Variants in LRRC24 observed in about 807,000 individuals in gnomAD.
LRRC24 encodes leucine-rich repeat-containing protein 24.
A neutral mutation model predicts 15.3 loss-of-function variants in LRRC24; 19 were observed. The observed-to-expected ratio is 1.25, with a 90% CI of 0.87 to 1.83. The LOEUF (loss-of-function observed/expected upper bound fraction) is 1.83. LRRC24 is among the 40% of genes most tolerant of loss of function. LRRC24 has a pLI of 0.00. For missense variants in LRRC24, 914 were observed against 723.9 expected, an observed-to-expected ratio of 1.26 and a Z score of -3.01; for synonymous variants, 469 against 359.6, an observed-to-expected ratio of 1.30 and a Z score of -3.44.
chr8:144,523,576 C>T, intron 4 of LRRC24, 167 bp from the exon 5 acceptor site: 1 of 1,128,610 alleles, frequency 8.9e-7, no homozygotes, highest in Non-Finnish European at 1.2e-6. Context: ...CTCCTTGGGG[C>T]GGCAGGCCCT....
chr8:144,526,776 C>G (rs1468401856), intron 1 of LRRC24, 184 bp downstream of exon 1: 6 of 152,316 alleles, frequency 3.9e-5, no homozygotes, highest in Non-Finnish European at 7.3e-5. Context: ...CCCCCACGGC[C>G]TCCTCTGCTA....
At chr8:144,523,503 C>G in intron 4 of LRRC24, 94 bp from the exon 5 acceptor site, 1 of 1,434,650 alleles carries the variant, frequency 7.0e-7, no homozygotes, top group Non-Finnish European at 9.1e-7. Flanking sequence ...AGGCCTCTTT[C>G]CCACCTCCCA....
At chr8:144,526,034 G>C (rs1392292796) in intron 1 of LRRC24, 1 of 152,168 alleles carries the variant, frequency 6.6e-6, no homozygotes, top group Non-Finnish European at 1.5e-5. Context: ...CCGAAGCCAG[G>C]GAAAACAGGG....
At chr8:144,523,748 A>C in intron 4 of LRRC24, 1 of 408,928 alleles carries the variant, frequency 2.4e-6, no homozygotes, top group Non-Finnish European at 4.3e-6. Flanking sequence ...CAGCACTGAA[A>C]CCTCACAAGT....
In LRRC24 at chr8:144,523,057, G is replaced by A. The variant is rs1165241956; in HGVS notation, c.960C>T (p.His320=). The A allele has an allele frequency of 3.1e-6, 5 of 1,604,288 alleles. No homozygotes were observed. The African/African-American group carries it at 6.7e-5, about 22-fold the overall frequency. The change falls in exon 5 of 5, where the codon CAC becomes CAT. Residue 320 remains histidine (H), a synonymous_variant. Transcript: ENST00000529415. ...TGCCGCTGCCCGTGTCGGATGCCGA[G>A]TGTCCGCCCAGGCCCAGCAACCCGC... ...LEGGLLGLGG[H]SASDTGSGML...
rs781048518 is a variant in LRRC24, at chr8:144,522,696, C to T, written c.1321G>A (p.Glu441Lys). ...TAGTCGTTGACGAACAGCGCTCCCT[C>T]CCCCGGAGGCCCCCGCGCCTTTTTT... ...RRKKARGPPG[E>K]GALFVNDYLD... The change falls in exon 5 of 5, where the codon GAG becomes AAG. Residue 441 changes from glutamate to lysine, a missense_variant. Physicochemically the swap from Glu to Lys is moderately conservative, Grantham distance 56 (BLOSUM62 1). Coordinates refer to ENST00000529415, the MANE Select transcript of LRRC24 (RefSeq NM_001024678.4). 2.6e-5 allele frequency: 41 copies of T among 1,595,004 alleles called. No homozygotes were observed. In the Admixed American group the frequency reaches 4.8e-4, roughly 19 times the overall value.
chr8:144,523,604 C>G lies in LRRC24; in HGVS notation c.608-195G>C, dbSNP rs1816222740. 1.1e-5 allele frequency: 9 copies of G among 785,264 alleles called. No individual in the cohort carries two copies. The South Asian group carries it at 2.8e-4, about 24-fold the overall frequency. 48.6% of individuals were successfully genotyped at this position (785,264 alleles called of 1,614,324 possible). ...CAGGCCCTTCACCCTCGCCCCCCTCCCCTTTAGCTCTGTGATGCCTGCCTG... is the reference window on the plus strand; with the variant it reads ...CAGGCCCTTCACCCTCGCCCCCCTCGCCTTTAGCTCTGTGATGCCTGCCTG... On this transcript the variant is annotated intron_variant, in intron 4 of 4. Transcript: ENST00000529415.
chr8:144,522,661 GCCGT>G lies in LRRC24; in HGVS notation c.1352_1355del (p.Asp451AlafsTer8). 1 of 1,592,764 alleles carries G rather than the reference GCCGT, an allele frequency of 6.3e-7. No individual in the cohort carries two copies. The highest frequency in any genetic ancestry group is 8.5e-7 in the Non-Finnish European group (1 of 1,171,160). The stretch of plus-strand genomic sequence containing the variant: ...CCTCTAGCTGTGCGAACGTACAGGG[GCCGT>G]CCAAGTAGTCGTTGACGAACAGCGC... On this transcript the variant is annotated frameshift_variant, in exon 5 of 5. Transcript: ENST00000529415. LOFTEE classifies it low-confidence loss of function (END_TRUNC).
intron 1 of LRRC24, chr8:144,525,605 C>T (rs1384815904): frequency 6.6e-6 from 1 of 152,254 alleles, no homozygotes; most frequent in East Asian, 1.9e-4. Flanking sequence ...CTTTGTCCAG[C>T]ACCTGCTCCT....
rs1421338939 is a variant in LRRC24, at chr8:144,523,351, G to T, written c.666C>A (p.Gly222=). ...LHWLGAWIKE[G]GQRLLTSRDR... is the part of the protein sequence containing the mutation. ...CCCTGGAGGTGAGCAGCCGCTGGCC[G>T]CCCTCCTTGATCCAGGCACCCAGCC... The change falls in exon 5 of 5, where the codon GGC becomes GGA. Residue 222 remains glycine, a synonymous_variant. Coordinates refer to ENST00000529415, the MANE Select transcript of LRRC24 (RefSeq NM_001024678.4). 1.3e-6 allele frequency: 2 copies of T among 1,582,708 alleles called. No homozygotes were observed. The highest frequency in any genetic ancestry group is 1.7e-6 in the Non-Finnish European group (2 of 1,161,158).
rs755474129 is a variant in LRRC24 at position 144,524,472 on chromosome 8, C to T, written c.407G>A (p.Arg136Gln). Reference sequence around the variant, plus strand: ...GTGCAAGAAGGTGAAATCCAGCAGCCGCGCCAGCTGGTTGCCCGCCAGGTA... The same window carrying T: ...GTGCAAGAAGGTGAAATCCAGCAGCTGCGCCAGCTGGTTGCCCGCCAGGTA... ...VLYLAGNQLA[R>Q]LLDFTFLHLP... is the part of the protein sequence containing the mutation. Residue 136 changes from arginine (R) to glutamine (Q), a missense_variant, in exon 3 of 5, where the codon CGG becomes CAG. Transcript: ENST00000529415. 1.9e-6 allele frequency: 3 copies of T among 1,597,888 alleles called. No homozygotes were observed. Among genetic ancestry groups the T allele is most frequent in the Non-Finnish European group, 2.5e-6 (3 of 1,179,828 alleles).
Position 144,523,117 on chromosome 8 carries a change from G to A in LRRC24, c.900C>T (p.Arg300=). ...LVTWRKVPQP[R]EGRPRAQAQL... Reference sequence around the variant, plus strand: ...GGGCCTGGGCTCGCGGCCGGCCCTCGCGAGGCTGGGGCACCTTTCTCCAGG... The same window carrying A: ...GGGCCTGGGCTCGCGGCCGGCCCTCACGAGGCTGGGGCACCTTTCTCCAGG... Residue 300 remains arginine (R), a synonymous_variant, in exon 5 of 5, where the codon CGC becomes CGT. Coordinates refer to ENST00000529415, the MANE Select transcript of LRRC24 (RefSeq NM_001024678.4). 6.2e-7 allele frequency: 1 copy of A among 1,609,592 alleles called. No homozygotes were observed. The highest frequency in any genetic ancestry group is 8.5e-7 in the Non-Finnish European group (1 of 1,179,468).
intron 1 of LRRC24, chr8:144,525,239 C>T: frequency 2.9e-6 from 1 of 340,922 alleles, no homozygotes; most frequent in Non-Finnish European, 5.3e-6. Flanking sequence ...TCCTCAGTGT[C>T]TTCACAGGAT....
At chr8:144,525,228 G>A (rs941275346) in intron 1 of LRRC24, 195 bp from the exon 2 acceptor site, 3 of 363,378 alleles carry the variant, frequency 8.3e-6, no homozygotes, top group Non-Finnish European at 1.5e-5. Flanking sequence ...AATTCCTGGT[G>A]TCCTCAGTGT....
Position 144,524,894 on chromosome 8 carries a change from G to GC in LRRC24, c.80dup (p.Cys27TrpfsTer81). The GC allele has an allele frequency of 6.6e-7, 1 of 1,514,950 alleles. No homozygotes were observed. Among genetic ancestry groups the GC allele is most frequent in the South Asian group, 1.2e-5 (1 of 82,820 alleles). The allele number at this position is 1,514,950 out of a possible 1,614,324, so 93.8% of individuals were successfully genotyped here. On this transcript the variant is annotated frameshift_variant, in exon 2 of 5. Transcript: ENST00000529415. LOFTEE classifies it high-confidence loss of function. ...ACTCCACCGTGGCGCTGTAGCAGCG[G>GC]CAGGCTGCTGGGCAGCCGGCGGCGC...
In LRRC24 at chr8:144,522,617, C is replaced by G; in HGVS notation, c.1400G>C (p.Gly467Ala). The change falls in exon 5 of 5, where the codon GGC becomes GCC. Residue 467 changes from glycine (G) to alanine (A), a missense_variant. Physicochemically the swap from Gly to Ala is moderately conservative, Grantham distance 60. Transcript: ENST00000529415. The part of the protein sequence containing the change: ...AQLEELRDER[G>A]HEMFVINRSK... ...GCGGTTGATGACGAACATCTCGTGGCCGCGCTCGTCGCGGAGCTCCTCTAG... is the reference window on the plus strand; with the variant it reads ...GCGGTTGATGACGAACATCTCGTGGGCGCGCTCGTCGCGGAGCTCCTCTAG... 6.4e-7 allele frequency: 1 copy of G among 1,572,820 alleles called. No homozygotes were observed. Among genetic ancestry groups the G allele is most frequent in the Non-Finnish European group, 8.6e-7 (1 of 1,162,000 alleles).
intron 1 of LRRC24, chr8:144,526,692 C>G (rs1334313030): frequency 1.3e-5 from 2 of 152,246 alleles, no homozygotes; most frequent in African/African-American, 4.8e-5. Context: ...CTGCCTCGGG[C>G]GCAGTGCGAG....
intron 1 of LRRC24, chr8:144,526,127 CAT>C (rs1372354380): frequency 5.9e-5 from 9 of 152,200 alleles, no homozygotes; most frequent in East Asian, 1.9e-4. Context: ...CCTTTCGAGT[CAT>C]GTGGAAAGGG....
rs1473520848 is a variant in LRRC24, at chr8:144,524,898, G to A, written c.77C>T (p.Ala26Val). The part of the protein sequence containing the change: ...LPLRAAGCPA[A>V]CRCYSATVEC... Reference sequence around the variant, plus strand: ...CACCGTGGCGCTGTAGCAGCGGCAGGCTGCTGGGCAGCCGGCGGCGCGGAG... The same window carrying A: ...CACCGTGGCGCTGTAGCAGCGGCAGACTGCTGGGCAGCCGGCGGCGCGGAG... The change falls in exon 2 of 5, where the codon GCC (alanine) becomes GTC (valine). Residue 26 changes from alanine to valine, a missense_variant. Physicochemically the swap from Ala to Val is moderately conservative, Grantham distance 64. Coordinates refer to ENST00000529415, the MANE Select transcript of LRRC24 (RefSeq NM_001024678.4). 5 of 1,515,198 alleles carry A rather than the reference G, an allele frequency of 3.3e-6. No individual in the cohort carries two copies. The South Asian group carries it at 4.8e-5, about 15-fold the overall frequency. The allele number at this position is 1,515,198 out of a possible 1,614,324, so 93.9% of individuals were successfully genotyped here.
Sources: gnomAD v4.1 joint callset for allele counts on GRCh38, gnomAD v4.1.1 for gene constraint, MANE v1.5 for transcripts, NCBI Gene and HGNC (gene_info 2026-07-23, HGNC 2026-07-21) for gene names.